Variants in FBXW11 observed in about 807,000 individuals in gnomAD.
FBXW11 encodes the protein F-box and WD repeat domain containing 11.
A neutral mutation model predicts 77.6 loss-of-function variants in FBXW11; 19 were observed. The observed-to-expected ratio is 0.24, with a 90% CI of 0.17 to 0.36. The LOEUF is 0.36. Among genes scored for constraint, FBXW11 ranks in the 10% least tolerant of loss-of-function variants. The pLI is 1.00. For synonymous variants in FBXW11, 235 were observed against 249.4 expected (o/e 0.94, Z 0.54); for missense variants, 334 against 704.2 (o/e 0.47, Z 5.95).
At chr5:171,880,738 C>T (rs889412000) in intron 7 of FBXW11, among the ~76,000 whole-genome samples, 2 of 152,090 alleles carry the variant, frequency 1.3e-5, no homozygotes, top group African/African-American at 4.8e-5. Context: ...ACTCTGTCAC[C>T]CAGGCTGGAG....
intron 2 of FBXW11, among the ~76,000 whole-genome samples, chr5:171,941,539 A>G (rs1366989764): frequency 1.3e-5 from 2 of 151,426 alleles, no homozygotes; most frequent in Non-Finnish European, 2.9e-5. Flanking sequence ...TGTCAGTGCT[A>G]ATTTACCGAT....
At chr5:171,978,761 T>C (rs1171427880) in intron 1 of FBXW11, among the ~76,000 whole-genome samples, 1 of 152,192 alleles carries the variant, frequency 6.6e-6, no homozygotes, top group African/African-American at 2.4e-5. Flanking sequence ...CTCACCCTAG[T>C]GATTTCCTTC....
chr5:171,913,826 C>CACACACACACACAT (rs1561677692), intron 3 of FBXW11, among the ~76,000 whole-genome samples: 27 of 112,178 alleles, frequency 2.4e-4, no homozygotes, highest in African/African-American at 7.8e-4. Context: ...CATACACACA[C>CACACACACACACAT]ACACACACAC....
chr5:172,002,446 G>GTGTGTGT (rs1766464395), intron 1 of FBXW11, among the ~76,000 whole-genome samples: 1 of 149,416 alleles, frequency 6.7e-6, no homozygotes, highest in African/African-American at 2.5e-5. Flanking sequence ...GTGTGTGTGT[G>GTGTGTGT]GTTTATTCAT....
Position 171,862,665 on chromosome 5 carries a change from A to T in FBXW11, c.*1462T>A, listed in dbSNP as rs1173546633. 6.5e-6 allele frequency: 1 copy of T among 152,692 alleles called. No individual in the cohort carries two copies. Among genetic ancestry groups the T allele is most frequent in the Non-Finnish European group, 1.5e-5 (1 of 68,094 alleles). The allele number at this position is 152,692 out of a possible 1,614,324, so 9.5% of individuals were successfully genotyped here. The stretch of plus-strand genomic sequence containing the variant: ...CATTTACACATTTGGGCTGTGTCGT[A>T]GGGAGGACTTGGGAGCTTTGAGAAC... On this transcript the variant is annotated 3_prime_UTR_variant, in exon 14 of 14. Transcript: ENST00000517395.
At chr5:171,919,787 T>C (rs1165627285) in intron 2 of FBXW11, among the ~76,000 whole-genome samples, 1 of 152,236 alleles carries the variant, frequency 6.6e-6, no homozygotes, top group Non-Finnish European at 1.5e-5. Flanking sequence ...CCAGTTAGAC[T>C]GCATATATAT....
intron 6 of FBXW11, among the ~76,000 whole-genome samples, chr5:171,894,352 A>G (rs2113857447): frequency 6.6e-6 from 1 of 152,364 alleles, no homozygotes; most frequent in East Asian, 1.9e-4. Flanking sequence ...TAAAAAGCCT[A>G]CTTTTCTCAA....
intron 2 of FBXW11, among the ~76,000 whole-genome samples, chr5:171,927,415 C>G (rs1761953207): frequency 6.6e-6 from 1 of 152,096 alleles, no homozygotes; most frequent in Non-Finnish European, 1.5e-5. Context: ...TAACTCACTT[C>G]AAACCAAGGA....
chr5:171,921,936 G>C (rs963848516), intron 2 of FBXW11, among the ~76,000 whole-genome samples: 3 of 152,016 alleles, frequency 2.0e-5, no homozygotes, highest in Non-Finnish European at 1.5e-5. Context: ...ACAGGGTCTT[G>C]CTATGTTGCT....
chr5:171,900,976 T>C (rs1291500529), intron 4 of FBXW11, among the ~76,000 whole-genome samples: 1 of 152,154 alleles, frequency 6.6e-6, no homozygotes, highest in Non-Finnish European at 1.5e-5. Context: ...CTTCTACAGT[T>C]GCAAGAAATA....
Position 171,927,095 on chromosome 5 carries a change from T to C in FBXW11, c.148-12690A>G, listed in dbSNP as rs1761931202. On this transcript the variant is annotated intron_variant, in intron 2 of 13. Coordinates refer to ENST00000517395, the MANE Select transcript of FBXW11 (RefSeq NM_001378974.1). Reference sequence around the variant, plus strand: ...GCAGTAAAGCTTTTAGAAGAAGCCATAGGACATCCTCAAGACCTGGGAATA... The same window carrying C: ...GCAGTAAAGCTTTTAGAAGAAGCCACAGGACATCCTCAAGACCTGGGAATA... 2.6e-5 allele frequency among the ~76,000 whole-genome samples: 4 copies of C among 152,118 alleles called. 1 individual carries two copies. The highest frequency in any genetic ancestry group is 1.5e-5 in the Non-Finnish European group (1 of 68,022).
chr5:171,934,793 T>A (rs1275718639), intron 2 of FBXW11, among the ~76,000 whole-genome samples: 2 of 151,838 alleles, frequency 1.3e-5, no homozygotes, highest in Non-Finnish European at 2.9e-5. Flanking sequence ...GAGAAAGTAG[T>A]TAACATGGAA....
chr5:171,886,420 T>A (rs1424298985), intron 7 of FBXW11, among the ~76,000 whole-genome samples: 2 of 67,256 alleles, frequency 3.0e-5, no homozygotes, highest in Admixed American at 4.0e-4. Context: ...TGGGGCCTGT[T>A]GTGGGGTTGG....
chr5:171,952,447 A>ATATATATTTTTTT (rs1200841290), intron 2 of FBXW11, among the ~76,000 whole-genome samples: 1 of 6,946 alleles, frequency 1.4e-4, no homozygotes, highest in Non-Finnish European at 3.2e-4. Context: ...ATATATATAT[A>ATATATATTTTTTT]TTTTTTTTTT....
In FBXW11 at chr5:171,876,449, G is replaced by A. The variant is rs1758087667; in HGVS notation, c.1057C>T (p.Leu353=). 5.6e-6 allele frequency: 9 copies of A among 1,614,032 alleles called. No individual in the cohort carries two copies. Among genetic ancestry groups the A allele is most frequent in the Non-Finnish European group, 7.6e-6 (9 of 1,180,014 alleles). Residue 353 remains leucine (L), a synonymous_variant, in exon 9 of 14, where the codon CTG becomes TTG. Coordinates refer to ENST00000517395, the MANE Select transcript of FBXW11 (RefSeq NM_001378974.1). This position sits in a 1 kb window ranked among gnomAD's most constrained non-coding sequence, Gnocchi z 4.2. ...CGGTCCTTGGAACAGGTCACCATCAGTCCATTGCTGAAGCGTAAGTGCAAT... is the reference window on the plus strand; with the variant it reads ...CGGTCCTTGGAACAGGTCACCATCAATCCATTGCTGAAGCGTAAGTGCAAT... ...AVLHLRFSNG[L]MVTCSKDRSI...
chr5:171,912,927 A>G (rs1760974800), intron 3 of FBXW11, among the ~76,000 whole-genome samples: 1 of 151,926 alleles, frequency 6.6e-6, no homozygotes, highest in Non-Finnish European at 1.5e-5. Context: ...AAAAAGTAAT[A>G]TTTTTATAGC....
At chr5:171,967,449 A>G (rs187980173) in intron 1 of FBXW11, among the ~76,000 whole-genome samples, 2 of 152,238 alleles carry the variant, frequency 1.3e-5, no homozygotes, top group Non-Finnish European at 2.9e-5. Context: ...GCATAGAAAG[A>G]AAGTTACAAT....
intron 2 of FBXW11, among the ~76,000 whole-genome samples, chr5:171,950,112 AATG>A (rs1255141421): frequency 1.2e-4 from 19 of 152,214 alleles, no homozygotes; most frequent in African/African-American, 3.9e-4. Context: ...AATGATTTTA[AATG>A]ATGATAGAAA....
At chr5:171,875,249 T>TAAAAAA (rs1561636108) in intron 9 of FBXW11, among the ~76,000 whole-genome samples, 1 of 38,788 alleles carries the variant, frequency 2.6e-5, no homozygotes, top group African/African-American at 6.1e-5. Flanking sequence ...ATCTGTACTT[T>TAAAAAA]TAAAAAAAAA....
Sources: gnomAD v4.1 joint callset for allele counts (sites outside exome capture counted in the v4.1 genomes callset) on GRCh38, gnomAD v4.1.1 for gene constraint, Gnocchi (gnomAD v3.1) non-coding constraint, MANE v1.5 for transcripts, NCBI Gene and HGNC (gene_info 2026-07-23, HGNC 2026-07-21) for gene names.